Variants in ARSG observed in about 807,000 individuals in gnomAD.
ARSG encodes the protein arylsulfatase G, also known as ASG.
ARSG carries 37 observed loss-of-function variants against 50.5 expected under a neutral mutation model. That is an observed-to-expected ratio of 0.73 (90% CI 0.56 to 0.96). ARSG has a LOEUF of 0.96. Among genes scored for constraint, ARSG ranks in the 50% least tolerant of loss-of-function variants. The pLI is 0.00. For missense variants in ARSG, 629 were observed against 675.3 expected (o/e 0.93, Z 0.76); for synonymous variants, 225 against 254.6 (o/e 0.88, Z 1.11).
intron 2 of ARSG, among the ~76,000 whole-genome samples, chr17:68,326,704 C>T (rs1426837702): frequency 1.3e-5 from 2 of 152,164 alleles, no homozygotes; most frequent in Non-Finnish European, 1.5e-5. Context: ...GTAAAAGCAA[C>T]TCACCTTGTC....
At chr17:68,330,706 A>C (rs764606437) in intron 2 of ARSG, among the ~76,000 whole-genome samples, 20 of 152,126 alleles carry the variant, frequency 1.3e-4, no homozygotes, top group Non-Finnish European at 1.8e-4. Context: ...CACATGCCAC[A>C]TGGGAGCGCT....
the ARSG span, among the ~76,000 whole-genome samples, chr17:68,430,644 C>G: frequency 6.6e-6 from 1 of 152,168 alleles, no homozygotes; most frequent in Non-Finnish European, 1.5e-5. Context: ...TGTAGATAAC[C>G]CTGGAGTCAC....
intron 1 of ARSG, among the ~76,000 whole-genome samples, chr17:68,295,799 C>T (rs1166340516): frequency 6.6e-6 from 1 of 151,108 alleles, no homozygotes; most frequent in Non-Finnish European, 1.5e-5. Flanking sequence ...CCTGCCTCAG[C>T]CTCCCAAGTA....
At chr17:68,431,389 G>GCATA in the ARSG span, among the ~76,000 whole-genome samples, 10 of 152,032 alleles carry the variant, frequency 6.6e-5, no homozygotes, top group Non-Finnish European at 1.2e-4. Context: ...GGCACGTGGC[G>GCATA]CATACTGTTT....
At chr17:68,362,570 C>T (rs1394486926) in intron 6 of ARSG, among the ~76,000 whole-genome samples, 1 of 152,078 alleles carries the variant, frequency 6.6e-6, no homozygotes, top group African/African-American at 2.4e-5. Flanking sequence ...TCTTCCATCT[C>T]TCCTACGGGC....
intron 11 of ARSG, among the ~76,000 whole-genome samples, chr17:68,419,783 G>T (rs2082638769): frequency 6.9e-6 from 1 of 144,624 alleles, no homozygotes; most frequent in African/African-American, 2.7e-5. Flanking sequence ...AACATAGCGG[G>T]ACCCTGTCTC....
the ARSG span, among the ~76,000 whole-genome samples, chr17:68,434,972 C>T: frequency 3.9e-5 from 6 of 152,146 alleles, no homozygotes; most frequent in South Asian, 1.0e-3. Flanking sequence ...GAGGCCAAGG[C>T]GGGTGGATTG....
chr17:68,324,177 C>T (rs931009047), intron 2 of ARSG, among the ~76,000 whole-genome samples: 7 of 151,502 alleles, frequency 4.6e-5, no homozygotes, highest in South Asian at 2.1e-4. Context: ...TTAGCATTAA[C>T]GAAGTCCACA....
rs762506190 is a variant in ARSG at position 68,343,725 on chromosome 17, C to A, written c.340C>A (p.Leu114Ile). 6.2e-7 allele frequency: 1 copy of A among 1,614,176 alleles called. No individual in the cohort carries two copies. The highest frequency in any genetic ancestry group is 1.1e-5 in the South Asian group (1 of 91,084). ...CTTTGCAGTCACTTCTGTGGGAGGC[C>A]TTCCGCTCAACGAGACCACCTTGGC... ...RNFAVTSVGG[L>I]PLNETTLAEV... Residue 114 changes from leucine to isoleucine, a missense_variant, in exon 3 of 12, where the codon CTT becomes ATT. Leu to Ile is a conservative substitution (Grantham distance 5, BLOSUM62 2). Transcript: ENST00000621439.
At chr17:68,429,176 C>T in the ARSG span, among the ~76,000 whole-genome samples, 8,821 of 151,564 alleles carry the variant, frequency 0.058, 337 homozygotes, top group East Asian at 0.17. Context: ...AGTGTAGATG[C>T]TGCGACCCTG....
At chr17:68,306,461 G>A (rs1555764111) in intron 1 of ARSG, among the ~76,000 whole-genome samples, 1 of 152,232 alleles carries the variant, frequency 6.6e-6, no homozygotes, top group Admixed American at 6.5e-5. Context: ...GGAGGTTGAG[G>A]CAAGAGGATG....
intron 2 of ARSG, among the ~76,000 whole-genome samples, chr17:68,330,338 A>C (rs2077676367): frequency 6.6e-6 from 1 of 152,128 alleles, no homozygotes; most frequent in South Asian, 2.1e-4. Flanking sequence ...AGCTGGGGAG[A>C]CTGTATATTG....
intron 8 of ARSG, among the ~76,000 whole-genome samples, chr17:68,373,371 A>G (rs1225598979): frequency 1.3e-5 from 2 of 151,110 alleles, no homozygotes; most frequent in Non-Finnish European, 2.9e-5. Flanking sequence ...CTGTGATTAC[A>G]GGCACCCACC....
Position 68,278,696 on chromosome 17 carries a change from T to C in ARSG, c.-552+19270T>C, listed in dbSNP as rs1050135445. ...GTGTAGTTGTGTGATCTTGGCTCAC[T>C]GAAATCTCGGCCTCCCGGGTTCAAG... is the stretch of plus-strand genomic sequence containing the variant. On this transcript the variant is annotated intron_variant, in intron 1 of 11. Coordinates refer to the ARSG transcript ENST00000448504. Among the ~76,000 whole-genome samples, 5 of 148,822 alleles carry C rather than the reference T, an allele frequency of 3.4e-5. No individual in the cohort carries two copies. In the East Asian group the frequency reaches 1.0e-3, roughly 30 times the overall value.
At chr17:68,362,806 C>T (rs2146600757) in intron 6 of ARSG, among the ~76,000 whole-genome samples, 8 of 152,024 alleles carry the variant, frequency 5.3e-5, no homozygotes, top group Admixed American at 3.3e-4. Flanking sequence ...AAATAATCAT[C>T]TTATTTATAT....
chr17:68,347,005 T>C (rs778472640), intron 3 of ARSG, 120 bp from the exon 4 acceptor site: 23 of 1,558,516 alleles, frequency 1.5e-5, no homozygotes, highest in Non-Finnish European at 1.7e-5. Context: ...GCAGCTTCTT[T>C]TGGCTTGTCC....
chr17:68,297,393 A>G (rs2076245370), intron 1 of ARSG, among the ~76,000 whole-genome samples: 2 of 152,212 alleles, frequency 1.3e-5, no homozygotes, highest in Non-Finnish European at 2.9e-5. Flanking sequence ...GGGATTGTGT[A>G]ACAAGGAACC....
At chr17:68,426,683 C>T (rs2083217010), downstream of ARSG, among the ~76,000 whole-genome samples, 1 of 152,142 alleles carries the variant, frequency 6.6e-6, no homozygotes, top group Admixed American at 6.5e-5. Flanking sequence ...CAAGTGTGTG[C>T]CAACATGCCC....
At chr17:68,358,613 C>T (rs1257302192) in intron 6 of ARSG, among the ~76,000 whole-genome samples, 8 of 151,328 alleles carry the variant, frequency 5.3e-5, no homozygotes, top group African/African-American at 7.3e-5. Flanking sequence ...CACTTGAGCC[C>T]GGGAGGTGGA....
Sources: allele counts gnomAD v4.1 joint callset (sites outside exome capture counted in the v4.1 genomes callset), GRCh38; gene constraint gnomAD v4.1.1; transcripts MANE v1.5; gene names NCBI Gene and HGNC (gene_info 2026-07-23, HGNC 2026-07-21).